The following FUBP3 variants were observed in gnomAD, a reference collection of about 807,000 sequenced individuals.
The protein encoded by FUBP3 is far upstream element binding protein 3.
In FUBP3, 28 loss-of-function variants were observed where a neutral mutation model predicts 85.6. The observed-to-expected ratio is 0.33, with a 90% CI of 0.24 to 0.45. The LOEUF (loss-of-function observed/expected upper bound fraction) is 0.45, where lower values mean the gene tolerates loss of function less well. Among genes scored for constraint, FUBP3 ranks in the 20% least tolerant of loss-of-function variants. FUBP3 has a pLI of 1.00. For synonymous variants in FUBP3, 271 were observed against 271.4 expected, an observed-to-expected ratio of 1.00 and a Z score of 0.01; for missense variants, 583 against 755.1, an observed-to-expected ratio of 0.77 and a Z score of 2.67.
chr9:130,585,733 G>A (rs1012386306), intron 1 of FUBP3, among the ~76,000 whole-genome samples: 6 of 152,186 alleles, frequency 3.9e-5, no homozygotes, highest in African/African-American at 1.4e-4. Context: ...ATCACATTCT[G>A]TGCATCAAAC....
chr9:130,604,320 A>G (rs1831312231), intron 2 of FUBP3, among the ~76,000 whole-genome samples: 1 of 152,168 alleles, frequency 6.6e-6, no homozygotes, highest in South Asian at 2.1e-4. Flanking sequence ...CTGAAGAAGT[A>G]AGTGGTTTGA....
At chr9:130,599,162 C>T (rs576795292) in intron 2 of FUBP3, among the ~76,000 whole-genome samples, 5 of 152,128 alleles carry the variant, frequency 3.3e-5, no homozygotes, top group Middle Eastern at 3.4e-3. Context: ...TGTCATGGCA[C>T]GCGCCTGTAG....
At chr9:130,606,943 T>C (rs973241052) in intron 2 of FUBP3, among the ~76,000 whole-genome samples, 2 of 152,068 alleles carry the variant, frequency 1.3e-5, no homozygotes, top group African/African-American at 4.8e-5. Context: ...GAAAAATGTG[T>C]CTGATCACCT....
At chr9:130,593,241 T>G (rs1159241565) in intron 1 of FUBP3, among the ~76,000 whole-genome samples, 2 of 152,208 alleles carry the variant, frequency 1.3e-5, no homozygotes, top group Non-Finnish European at 2.9e-5. Flanking sequence ...GTAATGCTTA[T>G]CACCTGCTGA....
At chr9:130,598,832 G>C (rs1009042107) in intron 2 of FUBP3, among the ~76,000 whole-genome samples, 2 of 152,066 alleles carry the variant, frequency 1.3e-5, no homozygotes, top group African/African-American at 2.4e-5. Flanking sequence ...TCCCCCAAAG[G>C]CTCCCACATC....
intron 1 of FUBP3, among the ~76,000 whole-genome samples, chr9:130,589,807 C>T (rs1268312021): frequency 6.9e-5 from 10 of 145,344 alleles, no homozygotes; most frequent in African/African-American, 2.6e-4. Flanking sequence ...AACTCCTGGG[C>T]TCAAGGGATC....
Position 130,616,278 on chromosome 9 carries a change from A to G in FUBP3, c.405-77A>G, listed in dbSNP as rs1832004681. The G allele has an allele frequency of 3.5e-6, 5 of 1,413,938 alleles. No homozygotes were observed. The highest frequency in any genetic ancestry group is 4.9e-6 in the Non-Finnish European group (5 of 1,014,688). 87.6% of individuals were successfully genotyped at this position (1,413,938 alleles called of 1,614,324 possible). ...CCTGACTCCCGCAGGTTTTTCCCTC[A>G]GTGCTATTTCCCTGTCTTGCACACT... On this transcript the variant is annotated intron_variant, in intron 6 of 18. Coordinates refer to ENST00000319725, the MANE Select transcript of FUBP3 (RefSeq NM_003934.2). The surrounding 1 kb of genome is among the most constrained non-coding windows in gnomAD (Gnocchi z 4.7).
In FUBP3 at chr9:130,635,798, A is replaced by G. The variant is rs923068345; in HGVS notation, c.1583-201A>G. On this transcript the variant is annotated intron_variant, in intron 17 of 18. Transcript: ENST00000319725. This position sits in a 1 kb window ranked among gnomAD's most constrained non-coding sequence, Gnocchi z 4.3. ...GGCGTGAGGATTGGTCTTCACAGGC[A>G]TAGCAGGGGCCGGGCAACAAGAGGC... 15 of 584,934 alleles carry G rather than the reference A, an allele frequency of 2.6e-5. No individual in the cohort carries two copies. Among genetic ancestry groups the G allele is most frequent in the African/African-American group, 2.4e-4 (13 of 53,530 alleles). 36.2% of individuals were successfully genotyped at this position (584,934 alleles called of 1,614,324 possible).
Position 130,630,772 on chromosome 9 carries a change from TAGATG to T in FUBP3, c.1266_1270del (p.Asp422GlufsTer194). On this transcript the variant is annotated frameshift_variant, in exon 13 of 19. Transcript: ENST00000319725. LOFTEE classifies it high-confidence loss of function. ...CAGATCGAGGTGGCCAGGCAGCTCA[TAGATG>T]AGAAAGTTGGCGTACGTACAGGGTC... The T allele has an allele frequency of 6.6e-7, 1 of 1,512,698 alleles. No individual in the cohort carries two copies. Among genetic ancestry groups the T allele is most frequent in the Non-Finnish European group, 8.8e-7 (1 of 1,132,570 alleles). The allele number at this position is 1,512,698 out of a possible 1,614,324, so 93.7% of individuals were successfully genotyped here. A position where few individuals can be genotyped will look rare whatever the true frequency, so the allele number is the denominator to read the frequency against.
rs1831817875 is a variant in FUBP3, at chr9:130,612,864, A to G, written c.275-92A>G. On this transcript the variant is annotated intron_variant, in intron 4 of 18. Coordinates refer to ENST00000319725, the MANE Select transcript of FUBP3 (RefSeq NM_003934.2). This position sits in a 1 kb window ranked among gnomAD's most constrained non-coding sequence, Gnocchi z 4.1. The stretch of plus-strand genomic sequence containing the variant: ...ACTCGATGTGTAGTATTGTGAGCCA[A>G]GTGTCACAGTTTGTGGAATTAATTC... The G allele has an allele frequency of 2.3e-6, 2 of 876,090 alleles. No individual in the cohort carries two copies. The highest frequency in any genetic ancestry group is 2.2e-4 in the Middle Eastern group (1 of 4,516). 54.3% of individuals were successfully genotyped at this position (876,090 alleles called of 1,614,324 possible).
intron 5 of FUBP3, among the ~76,000 whole-genome samples, chr9:130,613,263 A>G (rs1269121672): frequency 6.6e-6 from 1 of 152,206 alleles, no homozygotes; most frequent in Non-Finnish European, 1.5e-5. Context: ...GTGGCCAGAC[A>G]TGGCCCCTTC....
chr9:130,610,410 T>C (rs1446021405), intron 3 of FUBP3, among the ~76,000 whole-genome samples: 1 of 151,954 alleles, frequency 6.6e-6, no homozygotes, highest in Non-Finnish European at 1.5e-5. Context: ...GGAGTATGGG[T>C]GGGTGGCTAG....
rs1235378741 is a variant in FUBP3, at chr9:130,628,092, A to ACG, written c.1117+1589_1117+1590dup. Among the ~76,000 whole-genome samples the ACG allele has an allele frequency of 3.4e-3, 390 of 115,704 alleles. 2 individuals are homozygous for ACG. The highest frequency in any genetic ancestry group is 0.015 in the Admixed American group (150 of 10,006). 75.9% of individuals were successfully genotyped at this position (115,704 alleles called of 152,430 possible). Reference sequence around the variant, plus strand: ...CACACCGCACTAAACACACGCACGCACGCACGCACGCGCACACACACACAC... The same window carrying ACG: ...CACACCGCACTAAACACACGCACGCACGCGCACGCACGCGCACACACACACAC... On this transcript the variant is annotated intron_variant, in intron 12 of 18. Coordinates refer to ENST00000319725, the MANE Select transcript of FUBP3 (RefSeq NM_003934.2).
intron 16 of FUBP3, 149 bp from the exon 17 acceptor site, chr9:130,634,518 G>A (rs1032772662): frequency 9.7e-6 from 6 of 620,894 alleles, no homozygotes; most frequent in African/African-American, 9.2e-5. Flanking sequence ...AGCCCTGCCA[G>A]CTGCCACCTC....
intron 8 of FUBP3, 84 bp downstream of exon 8, chr9:130,617,979 T>G: frequency 1.6e-6 from 1 of 642,340 alleles, no homozygotes; most frequent in Non-Finnish European, 2.8e-6. Context: ...CTTCCTCAAG[T>G]AATTGTGAAA....
At position 130,636,339 on chromosome 9, in the gene FUBP3, A is replaced by C. The variant is rs878966301; in HGVS notation, c.1710+213A>C. 1.3e-4 allele frequency: 84 copies of C among 667,594 alleles called. No individual in the cohort carries two copies. In the South Asian group the frequency reaches 1.3e-3, roughly 11 times the overall value. The allele number at this position is 667,594 out of a possible 1,614,324, so 41.4% of individuals were successfully genotyped here. ...AGAAAAAGAGTTTAGGCCAAGTGGG[A>C]GGATTGGGGGCGCAGCCCCTACAAG... On this transcript the variant is annotated intron_variant, in intron 18 of 18. Transcript: ENST00000319725.
chr9:130,593,701 A>G (rs1413354596), intron 1 of FUBP3, among the ~76,000 whole-genome samples: 1 of 152,220 alleles, frequency 6.6e-6, no homozygotes, highest in African/African-American at 2.4e-5. Flanking sequence ...ACTAGCTCAG[A>G]ACTACCACTG....
At chr9:130,615,515 T>A (rs369173891) in intron 6 of FUBP3, among the ~76,000 whole-genome samples, 1 of 152,170 alleles carries the variant, frequency 6.6e-6, no homozygotes, top group East Asian at 1.9e-4. Context: ...AAAAGCAGAT[T>A]GTGTGTGGCA....
chr9:130,582,895 A>G (rs1830192560), intron 1 of FUBP3, among the ~76,000 whole-genome samples: 2 of 152,264 alleles, frequency 1.3e-5, no homozygotes, highest in South Asian at 4.1e-4. Context: ...GCTGTCTGCC[A>G]GTCGTCGCCT....
Sources: allele counts gnomAD v4.1 joint callset (sites outside exome capture counted in the v4.1 genomes callset), GRCh38; gene constraint gnomAD v4.1.1; non-coding constraint Gnocchi (gnomAD v3.1); transcripts MANE v1.5; gene names NCBI Gene and HGNC (gene_info 2026-07-23, HGNC 2026-07-21).